NAV2: variants seen among roughly 807,000 people sequenced by gnomAD.
NAV2 encodes helicase, APC down-regulated 1.
Under a neutral mutation model 223.2 loss-of-function variants are expected in NAV2, and 54 were observed. That is an observed-to-expected ratio of 0.24 (90% CI 0.19 to 0.30). The LOEUF (loss-of-function observed/expected upper bound fraction) is 0.30, where lower values mean the gene tolerates loss of function less well. NAV2 is among the 10% of genes least tolerant of loss of function. The pLI, the probability that NAV2 is intolerant of heterozygous loss-of-function variation, is 1.00. For missense variants in NAV2, 2,806 were observed against 3,147.5 expected (o/e 0.89, Z 2.60); for synonymous variants, 1,279 against 1,239.3 (o/e 1.03, Z -0.67).
intron 1 of NAV2, among the ~76,000 whole-genome samples, chr11:19,810,633 C>T (rs146258499): frequency 6.6e-6 from 1 of 152,150 alleles, no homozygotes; most frequent in Non-Finnish European, 1.5e-5. Flanking sequence ...GTCTTCAATT[C>T]TAATCCATTA....
upstream of NAV2, chr11:19,711,419 C>T (rs2049869982): frequency 6.6e-6 from 1 of 152,152 alleles, no homozygotes; most frequent in East Asian, 1.9e-4. Context: ...CTTCTGTGTC[C>T]TCACAAGGCA....
chr11:19,416,516 C>G (rs1850376181), intron 1 of NAV2, among the ~76,000 whole-genome samples: 1 of 152,214 alleles, frequency 6.6e-6, no homozygotes, highest in South Asian at 2.1e-4. Context: ...AATGGCCATA[C>G]TGCCCAAAGT....
chr11:19,984,076 G>GCCA (rs1565699189), intron 10 of NAV2, 49 bp from the exon 11 acceptor site: 3 of 1,612,390 alleles, frequency 1.9e-6, no homozygotes, highest in Non-Finnish European at 2.5e-6. Context: ...AAGCCTGGAA[G>GCCA]CCACTTGCTT....
At chr11:19,590,644 G>A (rs2046033763) in intron 1 of NAV2, among the ~76,000 whole-genome samples, 2 of 152,122 alleles carry the variant, frequency 1.3e-5, no homozygotes, top group Admixed American at 6.5e-5. Flanking sequence ...AGGCCCTGGG[G>A]GACAGTGTGG....
Position 19,854,101 on chromosome 11 carries a change from G to T in NAV2, c.438+11178G>T, listed in dbSNP as rs548341720. ...AAATTGGATGGTGATTTATAACCGT[G>T]TGGATTGTGGTTTATATAAAAGCCA... On this transcript the variant is annotated intron_variant, in intron 3 of 37. Coordinates refer to ENST00000349880, the MANE Select transcript of NAV2 (RefSeq NM_145117.5). Among the ~76,000 whole-genome samples, 9 of 152,298 alleles carry T rather than the reference G, an allele frequency of 5.9e-5. No homozygotes were observed. In the East Asian group the frequency reaches 1.7e-3, roughly 29 times the overall value.
At chr11:19,990,297 A>ATCACAGGTCAGGGGT (rs1438572734) in intron 11 of NAV2, among the ~76,000 whole-genome samples, 1 of 152,192 alleles carries the variant, frequency 6.6e-6, no homozygotes, top group Non-Finnish European at 1.5e-5. Context: ...CAATGTCAAG[A>ATCACAGGTCAGGGGT]TCACAGGTCA....
intron 11 of NAV2, among the ~76,000 whole-genome samples, chr11:20,003,934 C>CTA (rs1294058790): frequency 6.6e-6 from 1 of 152,196 alleles, no homozygotes; most frequent in East Asian, 1.9e-4. Context: ...GTTAATAATA[C>CTA]TATCTATTTC....
intron 1 of NAV2, among the ~76,000 whole-genome samples, chr11:19,521,272 G>A (rs1009505101): frequency 1.3e-5 from 2 of 152,062 alleles, no homozygotes; most frequent in South Asian, 2.1e-4. Context: ...GAGGGTGAGG[G>A]GGCTGTGAGG....
chr11:19,856,389 T>C (rs1472061018), intron 3 of NAV2, among the ~76,000 whole-genome samples: 1 of 152,240 alleles, frequency 6.6e-6, no homozygotes, highest in African/African-American at 2.4e-5. Flanking sequence ...CATGTAGCTC[T>C]TTGCCTTTAT....
At chr11:19,976,396 G>A (rs1165134738) in intron 10 of NAV2, among the ~76,000 whole-genome samples, 1 of 152,156 alleles carries the variant, frequency 6.6e-6, no homozygotes, top group Non-Finnish European at 1.5e-5. Context: ...CTTTCAAGCA[G>A]TCCTCAGCAC....
chr11:19,458,983 G>A (rs1467284746), intron 1 of NAV2, among the ~76,000 whole-genome samples: 3 of 152,260 alleles, frequency 2.0e-5, no homozygotes, highest in African/African-American at 7.2e-5. Context: ...GTGAGCACAG[G>A]TGGTGATGTG....
chr11:19,405,710 C>T (rs1849866156), intron 1 of NAV2, among the ~76,000 whole-genome samples: 1 of 152,214 alleles, frequency 6.6e-6, no homozygotes, highest in Non-Finnish European at 1.5e-5. Flanking sequence ...TTAAATCTTT[C>T]CAGGTCTCAG....
chr11:19,596,144 AG>A (rs2046201707), intron 1 of NAV2, among the ~76,000 whole-genome samples: 1 of 152,208 alleles, frequency 6.6e-6, no homozygotes, highest in African/African-American at 2.4e-5. Flanking sequence ...TCTATTTTAT[AG>A]GACAATGTTG....
Position 20,119,718 on chromosome 11 carries a change from C to G in NAV2, c.*1460C>G, listed in dbSNP as rs1300742206. The stretch of plus-strand genomic sequence containing the variant: ...TTTGTCATTGTTTTCCCCATTGAAA[C>G]AAACAGGGCTAAAAAGTCATCTGTT... On this transcript the variant is annotated 3_prime_UTR_variant, in exon 38 of 38. Coordinates refer to ENST00000349880, the MANE Select transcript of NAV2 (RefSeq NM_145117.5). 1 of 152,214 alleles carries G rather than the reference C, an allele frequency of 6.6e-6. No homozygotes were observed. The highest frequency in any genetic ancestry group is 2.1e-4 in the South Asian group (1 of 4,814). The allele number at this position is 152,214 out of a possible 1,614,324, so 9.4% of individuals were successfully genotyped here.
At chr11:19,588,459 T>C (rs1273285975) in intron 1 of NAV2, among the ~76,000 whole-genome samples, 1 of 152,182 alleles carries the variant, frequency 6.6e-6, no homozygotes. Flanking sequence ...AGATGAATTC[T>C]GACGGCAAGC....
intron 1 of NAV2, among the ~76,000 whole-genome samples, chr11:19,552,755 A>G (rs1482107314): frequency 6.6e-6 from 1 of 152,208 alleles, no homozygotes; most frequent in Non-Finnish European, 1.5e-5. Context: ...TTCATTGGCC[A>G]GCGTGCTGTG....
intron 1 of NAV2, among the ~76,000 whole-genome samples, chr11:19,683,182 G>A (rs909823291): frequency 3.9e-5 from 6 of 152,164 alleles, no homozygotes; most frequent in African/African-American, 1.4e-4. Context: ...AAGAGTAGCC[G>A]GGAGTTTGGG....
At chr11:19,346,987 G>A (rs2654007), upstream of NAV2, among the ~76,000 whole-genome samples, 1,405 of 152,250 alleles carry the variant, frequency 9.2e-3, 22 homozygotes, top group African/African-American at 0.033. Context: ...TCTTTTAGAA[G>A]CTTAACTCCA....
chr11:19,563,922 A>T (rs564866847), intron 1 of NAV2, among the ~76,000 whole-genome samples: 3 of 152,250 alleles, frequency 2.0e-5, no homozygotes, highest in Admixed American at 6.5e-5. Context: ...TTGCAAATAA[A>T]TATTAAGCAA....
Sources: allele counts gnomAD v4.1 joint callset (sites outside exome capture counted in the v4.1 genomes callset), GRCh38; gene constraint gnomAD v4.1.1; transcripts MANE v1.5; gene names NCBI Gene and HGNC (gene_info 2026-07-23, HGNC 2026-07-21).